The following C5 variants were observed in gnomAD, a reference collection of about 807,000 sequenced individuals.
The protein encoded by C5 is C3 and PZP-like alpha-2-macroglobulin domain-containing protein 4.
C5 carries 140 observed loss-of-function variants against 218.8 expected under a neutral mutation model. The ratio of observed to expected loss-of-function variants is 0.64; its 90% CI spans 0.56 to 0.74. The LOEUF is 0.74. Ranked by LOEUF, C5 falls within the 30% of genes least tolerant of loss-of-function variation. C5 has a pLI of 0.00. For missense variants in C5, 1,700 were observed against 1,969.6 expected, an observed-to-expected ratio of 0.86 and a Z score of 2.59; for synonymous variants, 614 against 682.3, an observed-to-expected ratio of 0.90 and a Z score of 1.56.
intron 29 of C5, 86 bp downstream of exon 29, chr9:120,976,614 G>C (rs757820104): frequency 9.2e-7 from 1 of 1,082,956 alleles, no homozygotes; most frequent in Non-Finnish European, 1.4e-6. Flanking sequence ...TCATTTGGTG[G>C]ACAAAGGCAT....
the C5 span, among the ~76,000 whole-genome samples, chr9:121,073,349 C>T: frequency 6.6e-6 from 1 of 152,156 alleles, no homozygotes. Context: ...CTCCCTACTC[C>T]TTGCCTAAAC....
chr9:120,973,754 G>A (rs2046931612), intron 30 of C5, among the ~76,000 whole-genome samples: 1 of 152,116 alleles, frequency 6.6e-6, no homozygotes, highest in Admixed American at 6.6e-5. Flanking sequence ...CAAGGTGGGT[G>A]GATCACCAGA....
chr9:120,971,672 C>T (rs1328218398), intron 31 of C5, among the ~76,000 whole-genome samples: 1 of 152,184 alleles, frequency 6.6e-6, no homozygotes, highest in Non-Finnish European at 1.5e-5. Flanking sequence ...CTCCTGACCT[C>T]GTGGTCTGCC....
rs1223689249 is a variant in C5 at position 120,958,739 on chromosome 9, G to C, written c.4679-1371C>G. On this transcript the variant is annotated intron_variant, in intron 38 of 40. Coordinates refer to ENST00000223642, the MANE Select transcript of C5 (RefSeq NM_001735.3). Reference sequence around the variant, plus strand: ...TATTACTTGCTTTCTGCATGACCTTGAGCAAATTATTTAATCTCCCTGAGC... The same window carrying C: ...TATTACTTGCTTTCTGCATGACCTTCAGCAAATTATTTAATCTCCCTGAGC... Among the ~76,000 whole-genome samples, 5 of 152,054 alleles carry C rather than the reference G, an allele frequency of 3.3e-5. No individual in the cohort carries two copies. The South Asian group carries it at 1.0e-3, about 32-fold the overall frequency.
At chr9:120,957,480 T>C (rs922103477) in intron 38 of C5, 112 bp from the exon 39 acceptor site, 19 of 775,598 alleles carry the variant, frequency 2.4e-5, no homozygotes, top group African/African-American at 5.1e-5. Context: ...CAAACTATTA[T>C]AGTTCTTATT....
intron 1 of C5, among the ~76,000 whole-genome samples, chr9:121,049,812 C>A (rs1012879918): frequency 6.6e-6 from 1 of 152,112 alleles, no homozygotes; most frequent in African/African-American, 2.4e-5. Context: ...AGATTGACTC[C>A]TAAATAACCC....
Position 121,034,815 on chromosome 9 carries a change from G to A in C5, c.572C>T (p.Pro191Leu), listed in dbSNP as rs200524363. The change falls in exon 5 of 41, where the codon CCG (proline) becomes CTG (leucine). Residue 191 changes from proline to leucine, a missense_variant. By Grantham distance (98) the Pro-to-Leu change is moderately conservative. Transcript: ENST00000223642. ...GIISFPDFKI[P>L]SNPRYGMWTI... Reference sequence around the variant, plus strand: ...TATTTTTACATACCTAGGATTAGACGGAATCTTGAAGTCAGGAAAAGAGAT... The same window carrying A: ...TATTTTTACATACCTAGGATTAGACAGAATCTTGAAGTCAGGAAAAGAGAT... 3.3e-5 allele frequency: 51 copies of A among 1,552,022 alleles called. No individual in the cohort carries two copies. Among genetic ancestry groups the A allele is most frequent in the South Asian group, 2.5e-4 (22 of 89,588 alleles).
chr9:120,967,933 G>A (rs2046881514), intron 33 of C5, among the ~76,000 whole-genome samples: 1 of 151,880 alleles, frequency 6.6e-6, no homozygotes, highest in Non-Finnish European at 1.5e-5. Context: ...ATGGTGCCCA[G>A]GCTGTTCTTG....
chr9:120,959,224 C>T (rs2046807962), intron 38 of C5, among the ~76,000 whole-genome samples: 1 of 149,160 alleles, frequency 6.7e-6, no homozygotes, highest in African/African-American at 2.5e-5. Context: ...ATAAATAACA[C>T]CCTTCAAATT....
the C5 span, among the ~76,000 whole-genome samples, chr9:121,074,045 C>T: frequency 6.6e-6 from 1 of 152,210 alleles, no homozygotes; most frequent in Non-Finnish European, 1.5e-5. Context: ...TAGAAATACG[C>T]TGGCATAGGG....
chr9:121,012,458 G>C (rs191021143), intron 17 of C5, among the ~76,000 whole-genome samples: 2,293 of 152,218 alleles, frequency 0.015, 35 homozygotes, highest in Non-Finnish European at 0.024. Context: ...AGGTTGCAGT[G>C]AGCTGAGACT....
At chr9:121,026,812 T>C (rs1188871128) in intron 8 of C5, among the ~76,000 whole-genome samples, 1 of 151,720 alleles carries the variant, frequency 6.6e-6, no homozygotes, top group Non-Finnish European at 1.5e-5. Flanking sequence ...TGAGAAGGAA[T>C]TAGCCAGGCA....
At chr9:121,010,405 A>T (rs146499293) in intron 17 of C5, among the ~76,000 whole-genome samples, 16 of 152,344 alleles carry the variant, frequency 1.1e-4, no homozygotes, top group African/African-American at 2.4e-4. Context: ...ATAAAATTAA[A>T]TACCTAGGAA....
At chr9:120,977,857 C>T (rs1033370633) in intron 28 of C5, among the ~76,000 whole-genome samples, 1 of 152,148 alleles carries the variant, frequency 6.6e-6, no homozygotes, top group Admixed American at 6.5e-5. Flanking sequence ...TCACTTTGGG[C>T]AAATTCCTTT....
At position 121,021,616 on chromosome 9, in the gene C5, G is replaced by C; in HGVS notation, c.1195C>G (p.Gln399Glu). ...TLNAQTIDVN[Q>E]ETSDLDPSKS... ...CTTGGATCCAAGTCAGATGTCTCTTGGTTTACATCAATTGTTTGTGCATTC... is the reference window on the plus strand; with the variant it reads ...CTTGGATCCAAGTCAGATGTCTCTTCGTTTACATCAATTGTTTGTGCATTC... Residue 399 changes from glutamine (Q) to glutamate (E), a missense_variant, in exon 11 of 41, where the codon CAA becomes GAA. Gln to Glu is a conservative substitution (Grantham distance 29, BLOSUM62 2). Coordinates refer to ENST00000223642, the MANE Select transcript of C5 (RefSeq NM_001735.3). The C allele has an allele frequency of 1.2e-6, 2 of 1,613,570 alleles. No homozygotes were observed. Among genetic ancestry groups the C allele is most frequent in the East Asian group, 2.2e-5 (1 of 44,858 alleles).
chr9:120,985,482 C>T (rs1288225346), intron 25 of C5, among the ~76,000 whole-genome samples: 2 of 152,018 alleles, frequency 1.3e-5, no homozygotes, highest in African/African-American at 4.8e-5. Context: ...CACACATGTG[C>T]ACAAAGAGAC....
rs2046764198 is a variant in C5 at position 120,953,714 on chromosome 9, A to C, written c.4901+16T>G. The C allele has an allele frequency of 6.2e-7, 1 of 1,613,692 alleles. No individual in the cohort carries two copies. The highest frequency in any genetic ancestry group is 2.2e-5 in the East Asian group (1 of 44,872). ...TTGGAGGGAAGATCAGTGACTGAAA[A>C]ATATTGGTGACTTACCTGAAACTGA... On this transcript the variant is annotated intron_variant, in intron 40 of 40. Transcript: ENST00000223642.
chr9:121,052,358 G>A (rs376440367), upstream of C5, among the ~76,000 whole-genome samples: 22 of 151,154 alleles, frequency 1.5e-4, no homozygotes, highest in African/African-American at 5.1e-4. Flanking sequence ...TTGGGAGGCT[G>A]AGGCAGGAGA....
In C5 at chr9:121,015,224, C is replaced by G. The variant is rs1288625842; in HGVS notation, c.2034G>C (p.Thr678=). ...PCKEILRPRR[T]LQKKIEEIAA... is the part of the protein sequence containing the mutation. ...CTATTTCTTCTATCTTCTTTTGCAG[C>G]GTTCTTCTTGGCCTGAGAATTTCTT... is the stretch of plus-strand genomic sequence containing the variant. The change falls in exon 16 of 41, where the codon ACG becomes ACC. Residue 678 remains threonine, a synonymous_variant. Transcript: ENST00000223642. The G allele has an allele frequency of 3.7e-6, 6 of 1,607,122 alleles. No homozygotes were observed.
Sources: gnomAD v4.1 joint callset for allele counts (sites outside exome capture counted in the v4.1 genomes callset) on GRCh38, gnomAD v4.1.1 for gene constraint, MANE v1.5 for transcripts, NCBI Gene and HGNC (gene_info 2026-07-23, HGNC 2026-07-21) for gene names.